Variants in TTC28 observed in about 807,000 individuals in gnomAD.
The protein encoded by TTC28 is tetratricopeptide repeat protein 28.
Under a neutral mutation model 198.0 loss-of-function variants are expected in TTC28, and 61 were observed. The ratio of observed to expected loss-of-function variants is 0.31; its 90% CI spans 0.25 to 0.38. The LOEUF (loss-of-function observed/expected upper bound fraction) is 0.38. TTC28 is among the 10% of genes least tolerant of loss of function. The pLI, the probability that TTC28 is intolerant of heterozygous loss-of-function variation, is 1.00. For missense variants in TTC28, 2,678 were observed against 3,164.0 expected (o/e 0.85, Z 3.69); for synonymous variants, 1,171 against 1,297.8 (o/e 0.90, Z 2.10).
chr22:28,142,854 T>C (rs1357734871), intron 6 of TTC28, among the ~76,000 whole-genome samples: 3 of 152,156 alleles, frequency 2.0e-5, no homozygotes, highest in Non-Finnish European at 4.4e-5. Context: ...ACCACCACCA[T>C]GAGAGTCCCC....
rs1463951485 is a variant in TTC28, at chr22:28,190,386, GTCATTCCAGC to G, written c.934-26797_934-26788del. Among the ~76,000 whole-genome samples, 3 of 152,180 alleles carry G rather than the reference GTCATTCCAGC, an allele frequency of 2.0e-5. No homozygotes were observed. In the East Asian group the frequency reaches 5.8e-4, roughly 29 times the overall value. On this transcript the variant is annotated intron_variant, in intron 5 of 22. Transcript: ENST00000397906. ...GATGCAGTGCTAGGATTTGAGCCCA[GTCATTCCAGC>G]TCAAGATCTTATGCTCTGTCACCAC...
intron 1 of TTC28, among the ~76,000 whole-genome samples, chr22:28,652,012 G>A (rs1354505784): frequency 6.6e-6 from 1 of 151,698 alleles, no homozygotes; most frequent in Non-Finnish European, 1.5e-5. Flanking sequence ...GCTAATTTTT[G>A]TATTTTTAGT....
intron 12 of TTC28, among the ~76,000 whole-genome samples, chr22:28,031,839 T>G (rs1939090581): frequency 6.6e-6 from 1 of 152,032 alleles, no homozygotes; most frequent in Non-Finnish European, 1.5e-5. Context: ...GCAGACTGAG[T>G]AAAGTAGACT....
intron 13 of TTC28, chr22:28,028,946 G>A (rs1315611207): frequency 2.1e-6 from 1 of 470,134 alleles, no homozygotes; most frequent in East Asian, 7.0e-5. Flanking sequence ...TACAGCTTGT[G>A]AGTGGCAAGG....
chr22:28,639,322 A>C (rs535744062), intron 1 of TTC28, among the ~76,000 whole-genome samples: 4 of 152,382 alleles, frequency 2.6e-5, no homozygotes, highest in African/African-American at 9.6e-5. Context: ...AAATTGTATC[A>C]GTTTACACTT....
intron 5 of TTC28, among the ~76,000 whole-genome samples, chr22:28,257,778 A>ATATATATATATATC (rs1931048960): frequency 3.1e-5 from 4 of 130,986 alleles, no homozygotes; most frequent in African/African-American, 5.7e-5. Context: ...ATATATATAT[A>ATATATATATATATC]TATCTTCTAC....
chr22:27,993,518 C>T lies in TTC28; in HGVS notation c.5245G>A (p.Val1749Met). 6.5e-7 allele frequency: 1 copy of T among 1,539,576 alleles called. No individual in the cohort carries two copies. The change falls in exon 18 of 23, where the codon GTG (valine) becomes ATG (methionine). Residue 1749 changes from valine (V) to methionine (M), a missense_variant and splice_region_variant. By Grantham distance (21) the Val-to-Met change is conservative. Around this residue, in one of 8 missense-constraint regions of TTC28, gnomAD observed 314 missense variants for 442.7 expected, o/e 0.71. Coordinates refer to ENST00000397906, the MANE Select transcript of TTC28 (RefSeq NM_001145418.2). Reference protein sequence around the residue: ...RDALRVLLHLVEKSLQRIQNG... With the variant: ...RDALRVLLHLMEKSLQRIQNG... ...TGGATGCGCTGCAGGGATTTCTCCA[C>T]CTGAGGGGGAATTGGGGGTGAGTCA...
intron 1 of TTC28, among the ~76,000 whole-genome samples, chr22:28,676,116 G>A (rs1440069053): frequency 2.0e-5 from 3 of 151,968 alleles, no homozygotes; most frequent in Non-Finnish European, 4.4e-5. Context: ...AAAAACTCAC[G>A]TGCCTATCAA....
chr22:28,512,546 CTAGA>C (rs1270463180), intron 2 of TTC28, among the ~76,000 whole-genome samples: 1 of 152,090 alleles, frequency 6.6e-6, no homozygotes, highest in African/African-American at 2.4e-5. Flanking sequence ...CAATGATAGA[CTAGA>C]TAAAGAAAAT....
At chr22:28,122,259 A>G (rs996414718) in intron 6 of TTC28, among the ~76,000 whole-genome samples, 3 of 152,210 alleles carry the variant, frequency 2.0e-5, no homozygotes, top group African/African-American at 7.2e-5. Flanking sequence ...TGTTGTGACC[A>G]TGAGGCTTAA....
chr22:28,084,899 GA>G, intron 12 of TTC28, among the ~76,000 whole-genome samples: 1 of 152,152 alleles, frequency 6.6e-6, no homozygotes, highest in East Asian at 1.9e-4. Context: ...TCAACTGGAA[GA>G]AAGGGTATCA....
chr22:28,503,563 T>C (rs2048564917), intron 2 of TTC28, among the ~76,000 whole-genome samples: 1 of 152,164 alleles, frequency 6.6e-6, no homozygotes, highest in South Asian at 2.1e-4. Context: ...ATAATAAAAA[T>C]GCTACCTCAC....
chr22:28,201,309 G>A (rs149274371), intron 5 of TTC28, among the ~76,000 whole-genome samples: 25 of 152,244 alleles, frequency 1.6e-4, no homozygotes, highest in East Asian at 1.4e-3. Context: ...TGTGCAGGGC[G>A]AGAGTAGAGC....
intron 2 of TTC28, among the ~76,000 whole-genome samples, chr22:28,506,460 G>A (rs577175152): frequency 3.9e-5 from 6 of 151,938 alleles, no homozygotes; most frequent in Admixed American, 3.3e-4. Context: ...TCAGTGGTTC[G>A]GTAGACTCAG....
chr22:28,669,776 C>G (rs1045291457), intron 1 of TTC28, among the ~76,000 whole-genome samples: 3 of 151,930 alleles, frequency 2.0e-5, no homozygotes, highest in African/African-American at 7.3e-5. Context: ...AGATGTTTTC[C>G]ACATACATGC....
chr22:28,420,596 G>T (rs695822), intron 2 of TTC28, among the ~76,000 whole-genome samples: 2,216 of 140,538 alleles, frequency 0.016, 43 homozygotes, highest in East Asian at 0.092. Flanking sequence ...TGTTTTTTTT[G>T]TTGTTGTTGT....
intron 5 of TTC28, among the ~76,000 whole-genome samples, chr22:28,233,744 G>A (rs1423538261): frequency 1.3e-5 from 2 of 151,980 alleles, no homozygotes; most frequent in Non-Finnish European, 2.9e-5. Flanking sequence ...TAGAGAAAAA[G>A]GACCTTTTTT....
chr22:28,621,426 GA>G (rs2050993434), intron 2 of TTC28, among the ~76,000 whole-genome samples: 1 of 151,816 alleles, frequency 6.6e-6, no homozygotes, highest in Non-Finnish European at 1.5e-5. Flanking sequence ...ATACATTTAA[GA>G]AAAAAGGCTG....
At chr22:28,507,684 A>C (rs1190262886) in intron 2 of TTC28, among the ~76,000 whole-genome samples, 1 of 152,234 alleles carries the variant, frequency 6.6e-6, no homozygotes, top group South Asian at 2.1e-4. Flanking sequence ...TACAAAGGGA[A>C]GCCTATCAGA....
Sources: gnomAD v4.1 joint callset for allele counts (sites outside exome capture counted in the v4.1 genomes callset) on GRCh38, gnomAD v4.1.1 for gene constraint, gnomAD v4.1.1 regional missense constraint, MANE v1.5 for transcripts, NCBI Gene and HGNC (gene_info 2026-07-23, HGNC 2026-07-21) for gene names.